SHC2: variants seen among roughly 807,000 people sequenced by gnomAD.
SHC2 encodes SHC-transforming protein 2.
Under a neutral mutation model 60.6 loss-of-function variants are expected in SHC2, and 62 were observed. The observed-to-expected ratio is 1.02, with a 90% CI of 0.83 to 1.26. SHC2 has a LOEUF of 1.26. Among genes scored for constraint, SHC2 ranks in the 50% most tolerant of loss-of-function variants. The pLI is 0.00. For missense variants in SHC2, 873 were observed against 822.2 expected, an observed-to-expected ratio of 1.06 and a Z score of -0.76; for synonymous variants, 375 against 372.4, an observed-to-expected ratio of 1.01 and a Z score of -0.08.
chr19:457,993 T>A (rs1298914507), intron 1 of SHC2, among the ~76,000 whole-genome samples: 1 of 146,232 alleles, frequency 6.8e-6, no homozygotes, highest in Non-Finnish European at 1.5e-5. Context: ...CGGAAGCCGG[T>A]CCCGGGGAGG....
chr19:430,035 C>A (rs1048200892), intron 9 of SHC2, among the ~76,000 whole-genome samples: 332 of 145,456 alleles, frequency 2.3e-3, no homozygotes, highest in Middle Eastern at 4.0e-3. Context: ...GTACCTATAC[C>A]CCAACGTGCA....
chr19:455,313 G>A (rs557475594), intron 1 of SHC2, among the ~76,000 whole-genome samples: 1 of 152,196 alleles, frequency 6.6e-6, no homozygotes, highest in South Asian at 2.1e-4. Context: ...ACCCAGGGAA[G>A]GGCTCTCGGG....
chr19:427,458 G>A (rs913859301), intron 9 of SHC2, among the ~76,000 whole-genome samples: 1 of 151,872 alleles, frequency 6.6e-6, no homozygotes, highest in Non-Finnish European at 1.5e-5. Context: ...TGGGTAAGGG[G>A]GAATTGCACA....
intron 9 of SHC2, among the ~76,000 whole-genome samples, chr19:429,410 G>T (rs559038518): frequency 2.7e-4 from 40 of 148,530 alleles, no homozygotes; most frequent in African/African-American, 9.9e-4. Context: ...AACATGCAGA[G>T]AAACCTAATA....
In SHC2 at chr19:425,121, G is replaced by A; in HGVS notation, c.1285C>T (p.Pro429Ser). 1 of 1,406,572 alleles carries A rather than the reference G, an allele frequency of 7.1e-7. No individual in the cohort carries two copies. The highest frequency in any genetic ancestry group is 9.3e-7 in the Non-Finnish European group (1 of 1,072,506). 87.1% of individuals were successfully genotyped at this position (1,406,572 alleles called of 1,614,324 possible). ...GLDAPEPEDS[P>S]KKDLFDMRPF... ...CGCATGTCAAACAGATCCTTTTTGG[G>A]GCTGTCCTCCGGCTCGGGGGCGTCC... is the stretch of plus-strand genomic sequence containing the variant. Residue 429 changes from proline (P) to serine (S), a missense_variant, in exon 10 of 13, where the codon CCC becomes TCC. Transcript: ENST00000264554. This position sits in a 1 kb window ranked among gnomAD's most constrained non-coding sequence, Gnocchi z 4.1.
intron 1 of SHC2, among the ~76,000 whole-genome samples, chr19:454,949 T>A (rs539945463): frequency 1.3e-5 from 2 of 152,312 alleles, no homozygotes; most frequent in Non-Finnish European, 2.9e-5. Flanking sequence ...GCATCGCTCG[T>A]CTCTGCCCCT....
At chr19:448,773 G>A (rs188477085) in intron 1 of SHC2, among the ~76,000 whole-genome samples, 166 of 152,248 alleles carry the variant, frequency 1.1e-3, no homozygotes, top group Middle Eastern at 0.01. Context: ...ACTGAGGGAC[G>A]GCAGCCCAGC....
chr19:434,994 T>C, intron 7 of SHC2, 129 bp from the exon 8 acceptor site: 1 of 960,210 alleles, frequency 1.0e-6, no homozygotes, highest in East Asian at 2.7e-5. Context: ...TCACTGAGGG[T>C]TCCTACCGGG....
intron 1 of SHC2, among the ~76,000 whole-genome samples, chr19:456,052 T>C (rs960699987): frequency 1.3e-5 from 2 of 152,174 alleles, no homozygotes; most frequent in African/African-American, 4.8e-5. Flanking sequence ...AGGAGGACCC[T>C]CAGCCCCGGG....
intron 1 of SHC2, among the ~76,000 whole-genome samples, chr19:457,372 G>A (rs1230371330): frequency 6.6e-6 from 1 of 152,190 alleles, no homozygotes; most frequent in Non-Finnish European, 1.5e-5. Flanking sequence ...CACCTGCTGT[G>A]CCCCGTCTAG....
intron 1 of SHC2, among the ~76,000 whole-genome samples, chr19:452,149 C>T (rs1047836126): frequency 2.0e-5 from 3 of 150,620 alleles, no homozygotes; most frequent in African/African-American, 4.9e-5. Flanking sequence ...CGTTTCACTG[C>T]GGTTGGGGCA....
intron 1 of SHC2, among the ~76,000 whole-genome samples, chr19:444,293 G>C (rs1231933169): frequency 3.3e-5 from 5 of 152,134 alleles, no homozygotes; most frequent in African/African-American, 1.2e-4. Flanking sequence ...TCCCACTGAG[G>C]AGGCAGCTTT....
chr19:434,131 G>A (rs1415796731), intron 8 of SHC2, among the ~76,000 whole-genome samples: 8 of 111,458 alleles, frequency 7.2e-5, no homozygotes, highest in South Asian at 3.4e-4. Flanking sequence ...AGAGGAGGCC[G>A]GGCAGATGGC....
Position 441,271 on chromosome 19 carries a change from A to T in SHC2, c.469-339T>A. On this transcript the variant is annotated intron_variant, in intron 1 of 12. Transcript: ENST00000264554. This position sits in a 1 kb window ranked among gnomAD's most constrained non-coding sequence, Gnocchi z 4.9. ...AGCACCGAAGCCGAGGAGCGTGGGG[A>T]TGGTGCGATCCTGAGCACTTCCCTA... 1.6e-6 allele frequency: 1 copy of T among 614,478 alleles called. No homozygotes were observed. The highest frequency in any genetic ancestry group is 2.0e-6 in the Non-Finnish European group (1 of 494,648). The allele number at this position is 614,478 out of a possible 1,614,324, so 38.1% of individuals were successfully genotyped here.
rs565427043 is a variant in SHC2 at position 444,889 on chromosome 19, TG to T, written c.469-3958del. ...CCACTCCACGCAAATCCACATGCCA[TG>T]GGCAGCAATGGCCCCTCGGGAAACA... On this transcript the variant is annotated intron_variant, in intron 1 of 12. Coordinates refer to ENST00000264554, the MANE Select transcript of SHC2 (RefSeq NM_012435.3). Among the ~76,000 whole-genome samples the T allele has an allele frequency of 5.3e-5, 8 of 152,332 alleles. No individual in the cohort carries two copies. The East Asian group carries it at 1.5e-3, about 29-fold the overall frequency.
rs76289751 is a variant in SHC2, at chr19:444,489, A to G, written c.469-3557T>C. Among the ~76,000 whole-genome samples, 72 of 152,094 alleles carry G rather than the reference A, an allele frequency of 4.7e-4. 2 individuals carry two copies. In the East Asian group the frequency reaches 0.012, roughly 26 times the overall value. ...GCTGAAACCCTGAACTGTGTGGTCC[A>G]TGGGTCCCGTTGTGGGGACACCAGC... On this transcript the variant is annotated intron_variant, in intron 1 of 12. Coordinates refer to ENST00000264554, the MANE Select transcript of SHC2 (RefSeq NM_012435.3).
Position 418,911 on chromosome 19 carries a change from G to A in SHC2, c.*5+12C>T. The A allele has an allele frequency of 6.3e-7, 1 of 1,577,224 alleles. No homozygotes were observed. Among genetic ancestry groups the A allele is most frequent in the Non-Finnish European group, 8.6e-7 (1 of 1,157,628 alleles). On this transcript the variant is annotated intron_variant, in intron 12 of 12. Coordinates refer to ENST00000264554, the MANE Select transcript of SHC2 (RefSeq NM_012435.3). Reference sequence around the variant, plus strand: ...GAGGCAAGGCCAGCGACCCACGGCGGCAGCCACACACCTGGCTCAGGGCTC... The same window carrying A: ...GAGGCAAGGCCAGCGACCCACGGCGACAGCCACACACCTGGCTCAGGGCTC...
chr19:456,372 T>A (rs935667179), intron 1 of SHC2, among the ~76,000 whole-genome samples: 1 of 151,906 alleles, frequency 6.6e-6, no homozygotes, highest in African/African-American at 2.4e-5. Flanking sequence ...CATCAGCAAC[T>A]CCTCCGGGCT....
intron 1 of SHC2, among the ~76,000 whole-genome samples, chr19:443,027 G>GGA (rs1974944346): frequency 1.5e-5 from 2 of 131,262 alleles, no homozygotes; most frequent in African/African-American, 5.7e-5. Context: ...GGGTGGGTGG[G>GGA]TGGATGAATG....
Sources: allele counts gnomAD v4.1 joint callset (sites outside exome capture counted in the v4.1 genomes callset), GRCh38; gene constraint gnomAD v4.1.1; non-coding constraint Gnocchi (gnomAD v3.1); transcripts MANE v1.5; gene names NCBI Gene and HGNC (gene_info 2026-07-23, HGNC 2026-07-21).